Variants in ELK4 observed in about 807,000 individuals in gnomAD.
The protein encoded by ELK4 is ETS domain-containing protein Elk-4.
Under a neutral mutation model 29.6 loss-of-function variants are expected in ELK4, and 16 were observed. The ratio of observed to expected loss-of-function variants is 0.54; its 90% CI spans 0.37 to 0.82. The LOEUF (loss-of-function observed/expected upper bound fraction) is 0.82, where lower values mean the gene tolerates loss of function less well. Among genes scored for constraint, ELK4 ranks in the 40% least tolerant of loss-of-function variants. The pLI is 0.00. For missense variants in ELK4, 465 were observed against 507.1 expected, an observed-to-expected ratio of 0.92 and a Z score of 0.80; for synonymous variants, 213 against 191.1, an observed-to-expected ratio of 1.11 and a Z score of -0.95.
chr1:205,623,708 G>A lies in ELK4; in HGVS notation c.175C>T (p.Leu59Phe). The change falls in exon 2 of 5, where the codon CTC (leucine) becomes TTC (phenylalanine). Residue 59 changes from leucine (L) to phenylalanine (F), a missense_variant. By Grantham distance (22) the Leu-to-Phe change is conservative. Coordinates refer to ENST00000357992, the MANE Select transcript of ELK4 (RefSeq NM_001973.4). ...KNKPNMNYDK[L>F]SRALRYYYVK... The stretch of plus-strand genomic sequence containing the variant: ...TAATAGTATCTGAGGGCTCGGCTGA[G>A]TTTGTCATAATTCATGTTAGGCTTG... The A allele has an allele frequency of 2.5e-6, 4 of 1,614,142 alleles. No homozygotes were observed. Among genetic ancestry groups the A allele is most frequent in the Non-Finnish European group, 3.4e-6 (4 of 1,180,010 alleles).
At chr1:205,623,254 A>G (rs777133960) in intron 2 of ELK4, among the ~76,000 whole-genome samples, 6 of 152,004 alleles carry the variant, frequency 3.9e-5, no homozygotes, top group Non-Finnish European at 7.4e-5. Flanking sequence ...TACAAAATAC[A>G]CTGGATTAAA....
rs111601250 is a variant in ELK4 at position 205,619,688 on chromosome 1, G to A, written c.1080+278C>T. The A allele has an allele frequency of 2.7e-4, 381 of 1,417,734 alleles. 2 individuals carry two copies. The African/African-American group carries it at 4.4e-3, about 16-fold the overall frequency. 87.8% of individuals were successfully genotyped at this position (1,417,734 alleles called of 1,614,324 possible). ...GAGTTTTATAAGACCGAGAGAGAGCGAGAGAGTGTGTGTACTTTCTTTAGG... is the reference window on the plus strand; with the variant it reads ...GAGTTTTATAAGACCGAGAGAGAGCAAGAGAGTGTGTGTACTTTCTTTAGG... On this transcript the variant is annotated intron_variant, in intron 3 of 4. Transcript: ENST00000357992.
In ELK4 at chr1:205,616,760, C is replaced by T. The variant is rs1553242990; in HGVS notation, c.1198-116G>A. 9 of 738,552 alleles carry T rather than the reference C, an allele frequency of 1.2e-5. No individual in the cohort carries two copies. In the East Asian group the frequency reaches 2.5e-4, roughly 20 times the overall value. 45.7% of individuals were successfully genotyped at this position (738,552 alleles called of 1,614,324 possible). On this transcript the variant is annotated intron_variant, in intron 4 of 4. Coordinates refer to ENST00000357992, the MANE Select transcript of ELK4 (RefSeq NM_001973.4). ...CAGCCTTCTGTAATGGCTCACAGGA[C>T]AAAGGCAGTGGCTGTTTATCATGAA...
In ELK4 at chr1:205,625,511, C is replaced by T. The variant is rs756971150; in HGVS notation, c.-9-1620G>A. 9.5e-5 allele frequency: 70 copies of T among 738,308 alleles called. 2 individuals carry two copies. The highest frequency in any genetic ancestry group is 7.7e-4 in the East Asian group (30 of 38,844). 45.7% of individuals were successfully genotyped at this position (738,308 alleles called of 1,614,324 possible). On this transcript the variant is annotated intron_variant, in intron 1 of 4. Coordinates refer to ENST00000357992, the MANE Select transcript of ELK4 (RefSeq NM_001973.4). ...AAATTCGTGTACAAAGAAGAGCATC[C>T]GTTCAAGAAACGGGCGGCTCCGAGA... is the stretch of plus-strand genomic sequence containing the variant.
chr1:205,617,984 T>TGAGA (rs898266780), intron 4 of ELK4, among the ~76,000 whole-genome samples: 16 of 131,434 alleles, frequency 1.2e-4, no homozygotes, highest in Admixed American at 1.0e-3. Flanking sequence ...TGTGTGTGTG[T>TGAGA]GAGAGAGAGA....
intron 1 of ELK4, among the ~76,000 whole-genome samples, chr1:205,624,546 C>A (rs1670416124): frequency 6.6e-6 from 1 of 152,178 alleles, no homozygotes; most frequent in African/African-American, 2.4e-5. Flanking sequence ...ACAGTGATTC[C>A]ATCTGCAAAG....
chr1:205,618,016 A>T (rs79880378), intron 4 of ELK4, among the ~76,000 whole-genome samples: 4 of 150,820 alleles, frequency 2.7e-5, no homozygotes, highest in Admixed American at 2.0e-4. Flanking sequence ...AGAGAGAGAG[A>T]GTGTGTGTGT....
At chr1:205,629,184 A>AAAAAG (rs1558024701) in intron 1 of ELK4, among the ~76,000 whole-genome samples, 31 of 151,474 alleles carry the variant, frequency 2.0e-4, no homozygotes, top group African/African-American at 7.3e-4. Flanking sequence ...AAAAAAAAAA[A>AAAAAG]AAAAGAAAAG....
intron 2 of ELK4, among the ~76,000 whole-genome samples, 161 bp downstream of exon 2, chr1:205,623,515 A>ACATCGG (rs1670393456): frequency 6.6e-6 from 1 of 151,962 alleles, no homozygotes; most frequent in South Asian, 2.1e-4. Flanking sequence ...GGGTTTCACC[A>ACATCGG]CATCGGTTAG....
rs1237797035 is a variant in ELK4 at position 205,626,195 on chromosome 1, A to C, written c.-9-2304T>G. ...CTGGAAGGGGGGTCTCATTCTACAGAGAGGTGGCCTCCCTTTCTTGACCTC... is the reference window on the plus strand; with the variant it reads ...CTGGAAGGGGGGTCTCATTCTACAGCGAGGTGGCCTCCCTTTCTTGACCTC... On this transcript the variant is annotated intron_variant, in intron 1 of 4. Transcript: ENST00000357992. The C allele has an allele frequency of 1.7e-5, 10 of 591,086 alleles. No homozygotes were observed. The East Asian group carries it at 2.8e-4, about 16-fold the overall frequency. The allele number at this position is 591,086 out of a possible 1,614,324, so 36.6% of individuals were successfully genotyped here. A position where few individuals can be genotyped will look rare whatever the true frequency, so the allele number is the denominator to read the frequency against.
rs1328893971 is a variant in ELK4 at position 205,623,136 on chromosome 1, C to A, written c.207+540G>T. Among the ~76,000 whole-genome samples, 12 of 129,492 alleles carry A rather than the reference C, an allele frequency of 9.3e-5. No individual in the cohort carries two copies. In the South Asian group the frequency reaches 2.8e-3, roughly 30 times the overall value. 85.0% of individuals were successfully genotyped at this position (129,492 alleles called of 152,430 possible). Reference sequence around the variant, plus strand: ...TCGCACCATTGCACTCCAGCCTGGGCGACAGAGTAAGACTCCGTCTCAAAA... The same window carrying A: ...TCGCACCATTGCACTCCAGCCTGGGAGACAGAGTAAGACTCCGTCTCAAAA... On this transcript the variant is annotated intron_variant, in intron 2 of 4. Coordinates refer to ENST00000357992, the MANE Select transcript of ELK4 (RefSeq NM_001973.4).
At chr1:205,630,093 T>G (rs1308557546) in intron 1 of ELK4, among the ~76,000 whole-genome samples, 1 of 149,342 alleles carries the variant, frequency 6.7e-6, no homozygotes, top group African/African-American at 2.5e-5. Flanking sequence ...TCTTGTTACC[T>G]ATCAAAAAAA....
intron 1 of ELK4, among the ~76,000 whole-genome samples, chr1:205,630,030 G>A (rs1670546525): frequency 6.6e-6 from 1 of 151,584 alleles, no homozygotes; most frequent in South Asian, 2.1e-4. Context: ...GTGAGACCTT[G>A]TCTCTAACAA....
chr1:205,611,068 C>T lies in ELK4; in HGVS notation c.*5478G>A, dbSNP rs965375539. On this transcript the variant is annotated 3_prime_UTR_variant, in exon 5 of 5. Transcript: ENST00000357992. ...TGAATTTCCTGTTTTCTGTAGAAAG[C>T]TTAGAGCCAGTATTTCCCCTCTCAT... 11 of 216,424 alleles carry T rather than the reference C, an allele frequency of 5.1e-5. No homozygotes were observed. Among genetic ancestry groups the T allele is most frequent in the Non-Finnish European group, 1.0e-4 (11 of 107,592 alleles). 13.4% of individuals were successfully genotyped at this position (216,424 alleles called of 1,614,324 possible).
rs571792040 is a variant in ELK4 at position 205,619,152 on chromosome 1, A to C, written c.1081-79T>G. Reference sequence around the variant, plus strand: ...CCTTGAAACAGCACACAAATAACCCAAACCTAAATATTGCCCTATCCTCCA... The same window carrying C: ...CCTTGAAACAGCACACAAATAACCCCAACCTAAATATTGCCCTATCCTCCA... On this transcript the variant is annotated intron_variant, in intron 3 of 4. Coordinates refer to ENST00000357992, the MANE Select transcript of ELK4 (RefSeq NM_001973.4). The C allele has an allele frequency of 3.1e-6, 4 of 1,279,128 alleles. No individual in the cohort carries two copies. The South Asian group carries it at 7.5e-5, about 24-fold the overall frequency. The allele number at this position is 1,279,128 out of a possible 1,614,324, so 79.2% of individuals were successfully genotyped here. A position where few individuals can be genotyped will look rare whatever the true frequency, so the allele number is the denominator to read the frequency against.
Position 205,616,103 on chromosome 1 carries a change from CCAATT to C in ELK4, c.*438_*442del, listed in dbSNP as rs1670228066. Reference sequence around the variant, plus strand: ...CAGAGCACACTTAGTCCTAAAGATGCCAATTCATTTCACAAATATTTCTTTAAATA... The same window carrying C: ...CAGAGCACACTTAGTCCTAAAGATGCCATTTCACAAATATTTCTTTAAATA... On this transcript the variant is annotated 3_prime_UTR_variant, in exon 5 of 5. Transcript: ENST00000357992. The C allele has an allele frequency of 4.2e-6, 1 of 238,922 alleles. No homozygotes were observed. Among genetic ancestry groups the C allele is most frequent in the Admixed American group, 5.0e-5 (1 of 19,912 alleles). 14.8% of individuals were successfully genotyped at this position (238,922 alleles called of 1,614,324 possible).
rs1016128388 is a variant in ELK4, at chr1:205,628,841, AGT to A, written c.-10+2789_-10+2790del. On this transcript the variant is annotated intron_variant, in intron 1 of 4. Coordinates refer to ENST00000357992, the MANE Select transcript of ELK4 (RefSeq NM_001973.4). ...ATGCTGATGCTTATTTAGCAACTAC[AGT>A]GTGTCTACGATAGAAGGTTGAGGAC... Among the ~76,000 whole-genome samples, 9 of 151,084 alleles carry A rather than the reference AGT, an allele frequency of 6.0e-5. No individual in the cohort carries two copies. In the Admixed American group the frequency reaches 6.0e-4, roughly 10 times the overall value.
intron 2 of ELK4, among the ~76,000 whole-genome samples, chr1:205,621,214 A>AG (rs979332738): frequency 2.8e-5 from 4 of 143,670 alleles, no homozygotes; most frequent in Middle Eastern, 3.6e-3. Flanking sequence ...AAAAAAAAAA[A>AG]AAAAAGAAAA....
chr1:205,610,701 AT>A lies in ELK4; in HGVS notation c.*5844del, dbSNP rs1483690054. On this transcript the variant is annotated 3_prime_UTR_variant, in exon 5 of 5. Transcript: ENST00000357992. ...AAGTGGCAACTGCAAAGTGCAGCAAATTTTTTTAAGTTTTAGTATAAAATAG... is the reference window on the plus strand; with the variant it reads ...AAGTGGCAACTGCAAAGTGCAGCAAATTTTTTAAGTTTTAGTATAAAATAG... 1 of 231,874 alleles carries A rather than the reference AT, an allele frequency of 4.3e-6. No homozygotes were observed. Among genetic ancestry groups the A allele is most frequent in the Non-Finnish European group, 8.5e-6 (1 of 117,232 alleles). The allele number at this position is 231,874 out of a possible 1,614,324, so 14.4% of individuals were successfully genotyped here.
Sources: allele counts gnomAD v4.1 joint callset (sites outside exome capture counted in the v4.1 genomes callset), GRCh38; gene constraint gnomAD v4.1.1; transcripts MANE v1.5; gene names NCBI Gene and HGNC (gene_info 2026-07-23, HGNC 2026-07-21).